USP54: variants seen among roughly 807,000 people sequenced by gnomAD.
USP54 encodes ubiquitin carboxyl-terminal hydrolase 54.
USP54 carries 87 observed loss-of-function variants against 170.5 expected under a neutral mutation model. The observed-to-expected ratio is 0.51, with a 90% CI of 0.43 to 0.61. The LOEUF is 0.61. Ranked by LOEUF, USP54 falls within the 20% of genes least tolerant of loss-of-function variation. USP54 has a pLI of 0.00. For synonymous variants in USP54, 655 were observed against 742.8 expected (o/e 0.88, Z 1.92); for missense variants, 1,786 against 2,047.8 (o/e 0.87, Z 2.47).
chr10:73,509,963 G>A (rs1174837666), intron 20 of USP54, among the ~76,000 whole-genome samples: 2 of 152,038 alleles, frequency 1.3e-5, no homozygotes, highest in Admixed American at 6.6e-5. Flanking sequence ...ATTCCAGTCT[G>A]GGCAACAAAG....
At chr10:73,623,486 T>C (rs1428584346) in intron 1 of USP54, among the ~76,000 whole-genome samples, 2 of 149,758 alleles carry the variant, frequency 1.3e-5, no homozygotes, top group Non-Finnish European at 3.0e-5. Context: ...CAAGACCCCA[T>C]CTCTAAAAAT....
At chr10:73,529,977 T>C in intron 14 of USP54, 66 bp from the exon 15 acceptor site, 1 of 1,499,274 alleles carries the variant, frequency 6.7e-7, no homozygotes, top group Non-Finnish European at 8.9e-7. Flanking sequence ...AATCAAGACC[T>C]AACTAGCTCC....
intron 1 of USP54, among the ~76,000 whole-genome samples, chr10:73,583,711 T>C (rs888041932): frequency 8.6e-5 from 13 of 151,700 alleles, no homozygotes; most frequent in Non-Finnish European, 2.9e-5. Flanking sequence ...ACTGTGCCAC[T>C]GCACTCCAGC....
intron 1 of USP54, among the ~76,000 whole-genome samples, chr10:73,604,482 A>T (rs2079458723): frequency 6.6e-6 from 1 of 152,038 alleles, no homozygotes; most frequent in Non-Finnish European, 1.5e-5. Context: ...CTTGCCAGGC[A>T]CATTGGCTCA....
intron 4 of USP54, among the ~76,000 whole-genome samples, chr10:73,566,515 A>G (rs2073853636): frequency 6.6e-6 from 1 of 151,732 alleles, no homozygotes; most frequent in Non-Finnish European, 1.5e-5. Context: ...GGTGGATCAC[A>G]AGGTCAAGAG....
chr10:73,516,584 G>C lies in USP54; in HGVS notation c.3842C>G (p.Pro1281Arg). The part of the protein sequence containing the change: ...DSQLKHGAPR[P>R]GMKSSPHDSH... The stretch of plus-strand genomic sequence containing the variant: ...ATCATGAGGGGAGGACTTCATTCCT[G>C]GCCTAGGTGCCCCATGCTTAAGCTG... The change falls in exon 20 of 24, where the codon CCA (proline) becomes CGA (arginine). Residue 1281 changes from proline to arginine, a missense_variant. By Grantham distance (103) the Pro-to-Arg change is moderately radical (BLOSUM62 -2). Around this residue, in one of 3 missense-constraint regions of USP54, gnomAD observed 1,418 missense variants for 1,569.0 expected, o/e 0.90. Transcript: ENST00000687698. 1 of 1,614,188 alleles carries C rather than the reference G, an allele frequency of 6.2e-7. No homozygotes were observed. Among genetic ancestry groups the C allele is most frequent in the Middle Eastern group, 1.6e-4 (1 of 6,062 alleles).
intron 4 of USP54, among the ~76,000 whole-genome samples, chr10:73,566,286 C>T (rs895448838): frequency 6.6e-6 from 1 of 152,112 alleles, no homozygotes; most frequent in African/African-American, 2.4e-5. Context: ...TAGACCTACA[C>T]ACAACAATGT....
intron 4 of USP54, among the ~76,000 whole-genome samples, chr10:73,564,569 G>C (rs568079064): frequency 1.3e-5 from 2 of 152,088 alleles, no homozygotes; most frequent in Non-Finnish European, 2.9e-5. Flanking sequence ...AAGTATGCTA[G>C]TCATTAATAC....
rs1405529362 is a variant in USP54 at position 73,517,543 on chromosome 10, T to G, written c.2883A>C (p.Val961=). The G allele has an allele frequency of 3.1e-6, 5 of 1,614,094 alleles. No homozygotes were observed. In the African/African-American group the frequency reaches 6.7e-5, roughly 22 times the overall value. The part of the protein sequence containing the change: ...SALKLLTSVE[V]DNIEPSAFHR... ...GGAATGCAGAGGGTTCAATGTTGTC[T>G]ACTTCAACCGAAGTCAGAAGCTTCA... Residue 961 remains valine, a synonymous_variant, in exon 20 of 24, where the codon GTA becomes GTC. Coordinates refer to ENST00000687698, the MANE Select transcript of USP54 (RefSeq NM_001391956.1).
chr10:73,596,720 C>CAAAA (rs36049099), intron 1 of USP54, among the ~76,000 whole-genome samples: 9 of 91,770 alleles, frequency 9.8e-5, no homozygotes, highest in African/African-American at 3.6e-4. Flanking sequence ...GATCCTGTCT[C>CAAAA]AAAAAAAAAA....
At chr10:73,601,169 T>C (rs2079137386) in intron 1 of USP54, among the ~76,000 whole-genome samples, 1 of 152,114 alleles carries the variant, frequency 6.6e-6, no homozygotes, top group Non-Finnish European at 1.5e-5. Context: ...AGCTCTGAAA[T>C]CCAACACAGA....
At chr10:73,609,842 C>CA (rs879852354) in intron 1 of USP54, among the ~76,000 whole-genome samples, 646 of 63,854 alleles carry the variant, frequency 0.01, no homozygotes, top group African/African-American at 0.016. Flanking sequence ...GATTCCGTCA[C>CA]AAAAAAAAAA....
intron 12 of USP54, among the ~76,000 whole-genome samples, chr10:73,533,179 G>A (rs1034447641): frequency 5.9e-5 from 9 of 152,086 alleles, no homozygotes; most frequent in South Asian, 2.1e-4. Context: ...GGTGGCGGGC[G>A]CCTGTGGTCC....
At chr10:73,557,475 C>T (rs2071409923) in intron 4 of USP54, among the ~76,000 whole-genome samples, 1 of 150,844 alleles carries the variant, frequency 6.6e-6, no homozygotes, top group African/African-American at 2.5e-5. Flanking sequence ...TGCCGCCCAC[C>T]ACACCTGGCT....
rs757392364 is a variant in USP54 at position 73,530,754 on chromosome 10, C to T, written c.1397G>A (p.Arg466Gln). 14 of 1,614,102 alleles carry T rather than the reference C, an allele frequency of 8.7e-6. No homozygotes were observed. The highest frequency in any genetic ancestry group is 7.7e-5 in the South Asian group (7 of 91,070). The change falls in exon 13 of 24, where the codon CGG (arginine) becomes CAG (glutamine). Residue 466 changes from arginine to glutamine, a missense_variant. Arg to Gln is a conservative substitution (Grantham distance 43). Transcript: ENST00000687698. ...GGGCTCATCGCCTTTCCTCCTAACCCGACCAGAGCTCCTCTTGCGCTCTAT... is the reference window on the plus strand; with the variant it reads ...GGGCTCATCGCCTTTCCTCCTAACCTGACCAGAGCTCCTCTTGCGCTCTAT... ...SLIERKRSSG[R>Q]VRRKGDEPQA...
intron 4 of USP54, among the ~76,000 whole-genome samples, chr10:73,547,222 T>G (rs12260018): frequency 1.3e-5 from 2 of 152,150 alleles, no homozygotes; most frequent in Admixed American, 1.3e-4. Flanking sequence ...GGCAACATGG[T>G]GAAACCCCGT....
At chr10:73,558,968 T>C (rs1300922182) in intron 4 of USP54, among the ~76,000 whole-genome samples, 1 of 152,192 alleles carries the variant, frequency 6.6e-6, no homozygotes, top group Non-Finnish European at 1.5e-5. Context: ...GTTTGTTTTT[T>C]CAAATTGTCA....
intron 1 of USP54, among the ~76,000 whole-genome samples, chr10:73,609,759 G>A (rs1487438232): frequency 6.6e-6 from 1 of 151,628 alleles, no homozygotes; most frequent in Non-Finnish European, 1.5e-5. Context: ...AAGGAGAAGC[G>A]CTTGAGCCTG....
chr10:73,519,896 C>T lies in USP54; in HGVS notation c.2579G>A (p.Ser860Asn). 11 of 1,614,140 alleles carry T rather than the reference C, an allele frequency of 6.8e-6. No homozygotes were observed. Among genetic ancestry groups the T allele is most frequent in the Non-Finnish European group, 9.3e-6 (11 of 1,180,028 alleles). ...CTGCTGCTGCATGCGATCCTGCAGG[C>T]TCCGTGCTTTTCGAATACTGATTTG... ...KLQISIRKAR[S>N]LQDRMQQQQS... Residue 860 changes from serine (S) to asparagine (N), a missense_variant, in exon 19 of 24, where the codon AGC becomes AAC. Around this residue, in one of 3 missense-constraint regions of USP54, gnomAD observed 1,418 missense variants for 1,569.0 expected, o/e 0.90. Coordinates refer to ENST00000687698, the MANE Select transcript of USP54 (RefSeq NM_001391956.1).
Sources: gnomAD v4.1 joint callset for allele counts (sites outside exome capture counted in the v4.1 genomes callset) on GRCh38, gnomAD v4.1.1 for gene constraint, gnomAD v4.1.1 regional missense constraint, MANE v1.5 for transcripts, NCBI Gene and HGNC (gene_info 2026-07-23, HGNC 2026-07-21) for gene names.